Variants in OLA1 observed in about 807,000 individuals in gnomAD.
The protein encoded by OLA1 is obg-like ATPase 1.
OLA1 carries 14 observed loss-of-function variants against 48.4 expected under a neutral mutation model. The observed-to-expected ratio is 0.29, with a 90% CI of 0.19 to 0.45. The LOEUF is 0.45. Among genes scored for constraint, OLA1 ranks in the 20% least tolerant of loss-of-function variants. The probability of loss-of-function intolerance (pLI) is 1.00; values close to 1 mark genes in which losing one functional copy is unlikely to be tolerated. For missense variants in OLA1, 325 were observed against 467.1 expected (o/e 0.70, Z 2.80); for synonymous variants, 127 against 150.4 (o/e 0.84, Z 1.14).
chr2:174,205,967 TAC>T (rs1371164761), intron 4 of OLA1, among the ~76,000 whole-genome samples: 5 of 152,138 alleles, frequency 3.3e-5, no homozygotes, highest in African/African-American at 1.2e-4. Context: ...CAAATGGCAC[TAC>T]CAAGCCATAA....
intron 4 of OLA1, among the ~76,000 whole-genome samples, chr2:174,205,111 T>C (rs1484822815): frequency 3.3e-5 from 5 of 152,206 alleles, no homozygotes; most frequent in African/African-American, 1.2e-4. Context: ...TCCTTATTGG[T>C]ATATCTTCCT....
chr2:174,119,709 G>A (rs1206589920), intron 7 of OLA1, among the ~76,000 whole-genome samples: 2 of 152,060 alleles, frequency 1.3e-5, no homozygotes, highest in African/African-American at 4.8e-5. Context: ...GAAAGGGGAA[G>A]GAACTGAATC....
At chr2:174,111,918 C>T (rs755966718) in intron 7 of OLA1, among the ~76,000 whole-genome samples, 8 of 152,150 alleles carry the variant, frequency 5.3e-5, no homozygotes, top group South Asian at 2.1e-4. Flanking sequence ...CTTTTATGTA[C>T]TGTCCCTACA....
At chr2:174,082,177 C>T (rs923402823) in intron 7 of OLA1, 113 bp from the exon 8 acceptor site, 2 of 1,186,842 alleles carry the variant, frequency 1.7e-6, no homozygotes, top group African/African-American at 3.0e-5. Context: ...TTTTATGATG[C>T]CATCTTTTTG....
intron 4 of OLA1, among the ~76,000 whole-genome samples, chr2:174,170,018 G>C (rs1166858704): frequency 6.6e-6 from 1 of 152,160 alleles, no homozygotes; most frequent in Non-Finnish European, 1.5e-5. Context: ...TATTTTACAT[G>C]AAGTGATACA....
At chr2:174,236,304 T>C (rs1222633101) in intron 2 of OLA1, among the ~76,000 whole-genome samples, 2 of 151,900 alleles carry the variant, frequency 1.3e-5, no homozygotes, top group African/African-American at 2.4e-5. Flanking sequence ...ATATAAAAGC[T>C]AATATAAAGA....
intron 7 of OLA1, among the ~76,000 whole-genome samples, chr2:174,086,291 T>C (rs1684975466): frequency 6.6e-6 from 1 of 152,184 alleles, no homozygotes; most frequent in Non-Finnish European, 1.5e-5. Context: ...TGACAGCTTC[T>C]TCTGGGCTTT....
intron 2 of OLA1, among the ~76,000 whole-genome samples, chr2:174,243,802 C>T (rs906404773): frequency 5.3e-5 from 8 of 152,290 alleles, no homozygotes; most frequent in Non-Finnish European, 1.2e-4. Context: ...GGTCATCAGC[C>T]TTATGCAGAC....
intron 10 of OLA1, 82 bp downstream of exon 10, chr2:174,078,886 A>G: frequency 2.1e-6 from 3 of 1,403,918 alleles, no homozygotes; most frequent in South Asian, 2.8e-5. Context: ...AGTTTAAAAG[A>G]TAATTATCAT....
intron 2 of OLA1, among the ~76,000 whole-genome samples, chr2:174,242,230 T>C (rs1241478929): frequency 6.6e-6 from 1 of 152,106 alleles, no homozygotes. Flanking sequence ...GGACCAAGGG[T>C]GTGGGGGATG....
intron 4 of OLA1, among the ~76,000 whole-genome samples, chr2:174,192,203 T>TA (rs1294430592): frequency 6.6e-6 from 1 of 152,206 alleles, no homozygotes; most frequent in African/African-American, 2.4e-5. Context: ...CTTTAAGTGA[T>TA]ATTATAAGTA....
At chr2:174,242,589 G>C (rs562819554) in intron 2 of OLA1, among the ~76,000 whole-genome samples, 1 of 152,276 alleles carries the variant, frequency 6.6e-6, no homozygotes, top group African/African-American at 2.4e-5. Context: ...ACTTCATAAA[G>C]CAGGTCCACT....
At position 174,162,834 on chromosome 2, in the gene OLA1, A is replaced by G. The variant is rs549459326; in HGVS notation, c.374-20834T>C. ...CGAGGCGGGCGGATCGCTTGAGTAC[A>G]GGAGTTTGAGACCAGCCTGGGCAAT... is the stretch of plus-strand genomic sequence containing the variant. On this transcript the variant is annotated intron_variant, in intron 4 of 10. Transcript: ENST00000284719. Among the ~76,000 whole-genome samples, 3 of 152,258 alleles carry G rather than the reference A, an allele frequency of 2.0e-5. No homozygotes were observed. In the East Asian group the frequency reaches 5.8e-4, roughly 29 times the overall value.
chr2:174,215,417 GTTTGAATTTCAAGGA>G lies in OLA1; in HGVS notation c.373+7601_373+7615del, dbSNP rs1452166890. On this transcript the variant is annotated intron_variant, in intron 4 of 10. Transcript: ENST00000284719. ...TACTTCAGTTCATCCTTGAACTTAG[GTTTGAATTTCAAGGA>G]TTTGAATTTCAAGGATTCACTTACA... is the stretch of plus-strand genomic sequence containing the variant. Among the ~76,000 whole-genome samples the G allele has an allele frequency of 1.2e-4, 19 of 152,140 alleles. No individual in the cohort carries two copies. In the East Asian group the frequency reaches 3.1e-3, roughly 25 times the overall value.
At chr2:174,188,059 G>A (rs6729988) in intron 4 of OLA1, among the ~76,000 whole-genome samples, 2 of 152,074 alleles carry the variant, frequency 1.3e-5, no homozygotes, top group East Asian at 3.8e-4. Context: ...CGGCCAAAAT[G>A]GTTCTGAATC....
intron 4 of OLA1, among the ~76,000 whole-genome samples, chr2:174,169,135 T>A (rs896038025): frequency 6.6e-6 from 1 of 151,870 alleles, no homozygotes; most frequent in Non-Finnish European, 1.5e-5. Flanking sequence ...TTAGTAGAGA[T>A]GGGGTTTCGC....
chr2:174,227,996 C>T (rs1025346462), intron 3 of OLA1, among the ~76,000 whole-genome samples: 2 of 152,238 alleles, frequency 1.3e-5, no homozygotes, highest in Non-Finnish European at 2.9e-5. Context: ...AAATGGTGGG[C>T]ACTGATTTAA....
At chr2:174,223,198 TA>T (rs1688545040) in intron 3 of OLA1, 38 bp from the exon 4 acceptor site, 1 of 1,585,260 alleles carries the variant, frequency 6.3e-7, no homozygotes. Context: ...AAAACAGTAC[TA>T]AAAACTTATC....
rs142116035 is a variant in OLA1 at position 174,108,419 on chromosome 2, C to T, written c.728+14761G>A. On this transcript the variant is annotated intron_variant, in intron 7 of 10. Transcript: ENST00000284719. ...AGTCTGTAAGATAGAAGATATGTCACAATTATCAATATAGAGACATTTCTT... is the reference window on the plus strand; with the variant it reads ...AGTCTGTAAGATAGAAGATATGTCATAATTATCAATATAGAGACATTTCTT... Among the ~76,000 whole-genome samples the T allele has an allele frequency of 5.9e-5, 9 of 152,144 alleles. No individual in the cohort carries two copies. The East Asian group carries it at 1.7e-3, about 29-fold the overall frequency.
Sources: allele counts gnomAD v4.1 joint callset (sites outside exome capture counted in the v4.1 genomes callset), GRCh38; gene constraint gnomAD v4.1.1; transcripts MANE v1.5; gene names NCBI Gene and HGNC (gene_info 2026-07-23, HGNC 2026-07-21).